Variants in SLC71A1 observed in about 807,000 individuals in gnomAD.
SLC71A1 encodes the protein solute carrier family 71 member 1, also known as hippocampus abundant gene transcript 1.
chr1:100,056,330 G>C, the SLC71A1 span, among the ~76,000 whole-genome samples: 1 of 152,188 alleles, frequency 6.6e-6, no homozygotes, highest in Non-Finnish European at 1.5e-5. Flanking sequence ...CATCCATGTT[G>C]TTGCAAATGA....
the SLC71A1 span, chr1:100,060,020 A>C: frequency 1.9e-6 from 3 of 1,578,086 alleles, no homozygotes; most frequent in East Asian, 6.8e-5. Context: ...GTGCACATTT[A>C]GATTATAGCA....
chr1:100,066,676 T>C, the SLC71A1 span, among the ~76,000 whole-genome samples: 1 of 151,990 alleles, frequency 6.6e-6, no homozygotes, highest in East Asian at 1.9e-4. Flanking sequence ...TCTCAACCCT[T>C]CCTCAACTAA....
the SLC71A1 span, among the ~76,000 whole-genome samples, chr1:100,063,184 T>C: frequency 6.6e-6 from 1 of 152,288 alleles, no homozygotes; most frequent in African/African-American, 2.4e-5. Context: ...TTTTTTGACG[T>C]AATTTATTTT....
At chr1:100,058,295 A>G in the SLC71A1 span, among the ~76,000 whole-genome samples, 6 of 152,230 alleles carry the variant, frequency 3.9e-5, no homozygotes, top group African/African-American at 1.4e-4. Flanking sequence ...ATTTTGGGGA[A>G]GCAGCATAGC....
the SLC71A1 span, chr1:100,062,257 T>TA: frequency 3.1e-5 from 7 of 222,572 alleles, no homozygotes; most frequent in East Asian, 1.1e-4. Context: ...TGTCAAGAGT[T>TA]AAAAAAAATC....
the SLC71A1 span, chr1:100,082,371 CCAGA>C: frequency 6.6e-6 from 4 of 605,700 alleles, no homozygotes; most frequent in East Asian, 5.6e-5. Flanking sequence ...GAACTTAGAA[CCAGA>C]CAGTTTTCCA....
the SLC71A1 span, among the ~76,000 whole-genome samples, chr1:100,048,622 T>A: frequency 1.3e-5 from 2 of 152,236 alleles, no homozygotes; most frequent in Non-Finnish European, 2.9e-5. Flanking sequence ...ACTGTTCCTT[T>A]TATCTTCCTC....
chr1:100,062,914 T>TAA, the SLC71A1 span, among the ~76,000 whole-genome samples: 4,086 of 116,028 alleles, frequency 0.035, 93 homozygotes, highest in Non-Finnish European at 0.047. Context: ...TGTCTCTATT[T>TAA]AAAAAAAAAA....
the SLC71A1 span, among the ~76,000 whole-genome samples, chr1:100,072,824 T>C: frequency 6.6e-6 from 1 of 152,112 alleles, no homozygotes; most frequent in Non-Finnish European, 1.5e-5. Context: ...TTGCACTAAG[T>C]AAGTGTTTAC....
At chr1:100,062,355 C>T in the SLC71A1 span, among the ~76,000 whole-genome samples, 3 of 152,104 alleles carry the variant, frequency 2.0e-5, no homozygotes, top group Admixed American at 6.5e-5. Flanking sequence ...TTGTGGGCCA[C>T]GTACAGTCTC....
the SLC71A1 span, among the ~76,000 whole-genome samples, chr1:100,048,062 A>G: frequency 6.6e-6 from 1 of 151,908 alleles, no homozygotes; most frequent in African/African-American, 2.4e-5. Context: ...TCCTACTTTG[A>G]TTTTTAAAAA....
At chr1:100,059,799 T>A in the SLC71A1 span, 1 of 1,299,136 alleles carries the variant, frequency 7.7e-7, no homozygotes, top group Non-Finnish European at 1.0e-6. Context: ...TGAAAATTTT[T>A]CTATAGGAGT....
At chr1:100,077,995 A>C in the SLC71A1 span, among the ~76,000 whole-genome samples, 1 of 152,222 alleles carries the variant, frequency 6.6e-6, no homozygotes, top group Admixed American at 6.5e-5. Context: ...TCTTTTAAAC[A>C]TCAAGCCAGG....
At chr1:100,073,473 C>T in the SLC71A1 span, among the ~76,000 whole-genome samples, 4 of 149,674 alleles carry the variant, frequency 2.7e-5, no homozygotes, top group Non-Finnish European at 6.0e-5. Context: ...TTGGGGTGTT[C>T]TCTTTCCCCA....
the SLC71A1 span, chr1:100,043,060 G>GTT: frequency 1.0e-6 from 1 of 955,832 alleles, no homozygotes; most frequent in Non-Finnish European, 1.2e-6. Context: ...TTAATATGCA[G>GTT]TTTTTTTTTC....
the SLC71A1 span, chr1:100,059,751 A>T: frequency 8.1e-6 from 6 of 738,720 alleles, no homozygotes; most frequent in Non-Finnish European, 1.2e-5. Context: ...TTGTTTATTT[A>T]AAAGTTTGTG....
chr1:100,082,450 ATTTGT>A, the SLC71A1 span: 17 of 505,190 alleles, frequency 3.4e-5, no homozygotes, highest in South Asian at 6.9e-5. Flanking sequence ...CCACTAAGCT[ATTTGT>A]TTTATTATAC....
At chr1:100,053,996 C>T in the SLC71A1 span, among the ~76,000 whole-genome samples, 2 of 148,750 alleles carry the variant, frequency 1.3e-5, no homozygotes, top group South Asian at 2.1e-4. Flanking sequence ...GTATAAGGAT[C>T]TGTAATGCCA....
the SLC71A1 span, among the ~76,000 whole-genome samples, chr1:100,063,513 T>C: frequency 1.3e-5 from 2 of 150,274 alleles, no homozygotes; most frequent in Admixed American, 6.6e-5. Flanking sequence ...AAAAAAAAAG[T>C]TGGAGGGGCC....
Sources: gnomAD v4.1 joint callset for allele counts (sites outside exome capture counted in the v4.1 genomes callset) on GRCh38, gnomAD v4.1.1 for gene constraint, MANE v1.5 for transcripts, NCBI Gene and HGNC (gene_info 2026-07-23, HGNC 2026-07-21) for gene names.